The following RMDN2 variants were observed in gnomAD, a reference collection of about 807,000 sequenced individuals.
RMDN2 encodes regulator of microtubule dynamics 2, also known as regulator of microtubule dynamics protein 2.
A neutral mutation model predicts 52.8 loss-of-function variants in RMDN2; 61 were observed. The ratio of observed to expected loss-of-function variants is 1.16; its 90% CI spans 0.94 to 1.43. The LOEUF is 1.43. RMDN2 is among the 40% of genes most tolerant of loss of function. RMDN2 has a pLI of 0.00. For missense variants in RMDN2, 592 were observed against 475.3 expected, an observed-to-expected ratio of 1.25 and a Z score of -2.28; for synonymous variants, 180 against 153.1, an observed-to-expected ratio of 1.18 and a Z score of -1.30.
chr2:38,010,387 T>A (rs1188559672), intron 10 of RMDN2, among the ~76,000 whole-genome samples: 2 of 152,190 alleles, frequency 1.3e-5, no homozygotes, highest in Non-Finnish European at 2.9e-5. Context: ...CTGCTTTGTT[T>A]AGCTACTCAA....
At chr2:38,025,889 C>G (rs1274034948) in intron 10 of RMDN2, among the ~76,000 whole-genome samples, 2 of 152,066 alleles carry the variant, frequency 1.3e-5, no homozygotes, top group African/African-American at 4.8e-5. Context: ...TAAATATTTA[C>G]AACGGATATT....
At chr2:37,944,004 A>C (rs1668014439) in intron 2 of RMDN2, among the ~76,000 whole-genome samples, 1 of 152,192 alleles carries the variant, frequency 6.6e-6, no homozygotes, top group Non-Finnish European at 1.5e-5. Flanking sequence ...CTTCAGAGTT[A>C]GATTGAAATT....
At chr2:38,055,933 G>A (rs536519528) in intron 10 of RMDN2, among the ~76,000 whole-genome samples, 1 of 152,222 alleles carries the variant, frequency 6.6e-6, no homozygotes, top group East Asian at 1.9e-4. Flanking sequence ...TCAAGGTTCT[G>A]TTAACAAGTA....
At chr2:38,036,741 C>G (rs1437676314) in intron 10 of RMDN2, 2 of 152,258 alleles carry the variant, frequency 1.3e-5, no homozygotes, top group African/African-American at 4.8e-5. Flanking sequence ...CTTTACCAGT[C>G]TGATGATAAC....
chr2:38,038,305 G>T (rs1178783261), intron 10 of RMDN2, among the ~76,000 whole-genome samples: 1 of 152,154 alleles, frequency 6.6e-6, no homozygotes, highest in African/African-American at 2.4e-5. Context: ...CCGACTGCGA[G>T]TCTCTTTGTG....
intron 5 of RMDN2, among the ~76,000 whole-genome samples, chr2:37,981,625 T>C (rs1572925555): frequency 6.6e-6 from 1 of 152,216 alleles, no homozygotes; most frequent in Non-Finnish European, 1.5e-5. Flanking sequence ...TCTAGTTCAG[T>C]ATAACATTTT....
chr2:38,036,144 T>G (rs1015955670), intron 10 of RMDN2: 8 of 152,036 alleles, frequency 5.3e-5, no homozygotes, highest in African/African-American at 1.9e-4. Flanking sequence ...ATCATGAAGA[T>G]CTCACCTCAG....
chr2:38,028,522 C>G lies in RMDN2; in HGVS notation c.1713+24306C>G, dbSNP rs185417553. Among the ~76,000 whole-genome samples the G allele has an allele frequency of 1.8e-3, 281 of 152,318 alleles. 2 individuals carry two copies. Among genetic ancestry groups the G allele is most frequent in the African/African-American group, 6.4e-3 (266 of 41,576 alleles). ...TTATGGATCATTTAGAAAAGCTCCT[C>G]TCAGCTTCACTTCTTGCTAGTAATG... On this transcript the variant is annotated intron_variant, in intron 10 of 10. Transcript: ENST00000234195.
rs1180180772 is a variant in RMDN2, at chr2:37,933,031, CG to C, written c.452+3305del. Among the ~76,000 whole-genome samples the C allele has an allele frequency of 8.6e-5, 13 of 151,066 alleles. No individual in the cohort carries two copies. In the South Asian group the frequency reaches 2.7e-3, roughly 32 times the overall value. On this transcript the variant is annotated intron_variant, in intron 2 of 10. Coordinates refer to ENST00000354545, the MANE Select transcript of RMDN2 (RefSeq NM_001170791.3). The stretch of plus-strand genomic sequence containing the variant: ...CTCACTTCTCAGACGGGGCGGCTGC[CG>C]GGCGGAGGGACTCCTCACTTCTCAG...
At chr2:37,990,518 C>CAAAAAA (rs397812186) in intron 6 of RMDN2, among the ~76,000 whole-genome samples, 18 of 37,536 alleles carry the variant, frequency 4.8e-4, no homozygotes, top group South Asian at 2.1e-3. Flanking sequence ...GACTCCATCT[C>CAAAAAA]AAAAAAAAAA....
At chr2:37,953,591 C>G (rs759712591) in intron 2 of RMDN2, among the ~76,000 whole-genome samples, 1 of 152,002 alleles carries the variant, frequency 6.6e-6, no homozygotes, top group Non-Finnish European at 1.5e-5. Flanking sequence ...CCTTTATCCA[C>G]CAGTGGACAA....
At chr2:38,034,159 G>A (rs1047934439) in intron 10 of RMDN2, among the ~76,000 whole-genome samples, 7 of 152,184 alleles carry the variant, frequency 4.6e-5, no homozygotes, top group African/African-American at 1.7e-4. Flanking sequence ...AGGAGGTCAG[G>A]TTTCTTCCCA....
chr2:37,993,468 C>A (rs116744033), intron 7 of RMDN2, among the ~76,000 whole-genome samples: 4 of 151,050 alleles, frequency 2.6e-5, no homozygotes, highest in South Asian at 2.1e-4. Flanking sequence ...GTGTGTTAGT[C>A]TGAAGTGTGT....
intron 10 of RMDN2, among the ~76,000 whole-genome samples, chr2:38,035,331 T>C (rs900395263): frequency 2.0e-5 from 3 of 152,160 alleles, no homozygotes; most frequent in Non-Finnish European, 4.4e-5. Context: ...AGACACACTA[T>C]ATTTTGATTA....
chr2:37,988,549 A>G (rs888129309), intron 5 of RMDN2, among the ~76,000 whole-genome samples: 3 of 152,198 alleles, frequency 2.0e-5, no homozygotes, highest in African/African-American at 7.2e-5. Flanking sequence ...TGTGTCTAGG[A>G]ATGGTCTTAC....
chr2:38,063,461 T>C (rs12712576), intron 10 of RMDN2, among the ~76,000 whole-genome samples: 31,376 of 151,916 alleles, frequency 0.21, 3,456 homozygotes, highest in African/African-American at 0.26. Flanking sequence ...AGAAGAAAAC[T>C]TAGGCAATAC....
At chr2:38,011,383 G>A (rs1677966755) in intron 10 of RMDN2, among the ~76,000 whole-genome samples, 1 of 152,042 alleles carries the variant, frequency 6.6e-6, no homozygotes, top group African/African-American at 2.4e-5. Flanking sequence ...GGTGTTGTGG[G>A]AACAACAACA....
At chr2:37,962,989 C>G (rs752283660) in intron 2 of RMDN2, 29 of 152,746 alleles carry the variant, frequency 1.9e-4, no homozygotes, top group Non-Finnish European at 3.1e-4. Flanking sequence ...CTGGGTGAGG[C>G]AATACCCCAC....
intron 7 of RMDN2, among the ~76,000 whole-genome samples, chr2:37,995,046 A>G (rs1407173200): frequency 6.6e-6 from 1 of 152,202 alleles, no homozygotes; most frequent in African/African-American, 2.4e-5. Context: ...ATGAAAATGT[A>G]CTATATATTG....
Sources: allele counts gnomAD v4.1 joint callset (sites outside exome capture counted in the v4.1 genomes callset), GRCh38; gene constraint gnomAD v4.1.1; transcripts MANE v1.5; gene names NCBI Gene and HGNC (gene_info 2026-07-23, HGNC 2026-07-21).